Variants in NUDT9 observed in about 807,000 individuals in gnomAD.
NUDT9 encodes the protein nudix hydrolase 9.
Under a neutral mutation model 41.0 loss-of-function variants are expected in NUDT9, and 31 were observed. The observed-to-expected ratio is 0.76, with a 90% CI of 0.57 to 1.02. The LOEUF is 1.02. Ranked by LOEUF, NUDT9 falls within the 50% of genes least tolerant of loss-of-function variation. NUDT9 has a pLI of 0.00. For synonymous variants in NUDT9, 146 were observed against 147.6 expected, an observed-to-expected ratio of 0.99 and a Z score of 0.08; for missense variants, 380 against 431.4, an observed-to-expected ratio of 0.88 and a Z score of 1.06.
intron 1 of NUDT9, among the ~76,000 whole-genome samples, chr4:87,425,786 C>G (rs1355723280): frequency 6.7e-6 from 1 of 149,642 alleles, no homozygotes; most frequent in African/African-American, 2.5e-5. Context: ...CAGTTTTGCA[C>G]TTAGTTTTTG....
Position 87,449,262 on chromosome 4 carries a change from TA to T in NUDT9, c.642+13del, listed in dbSNP as rs1216792820. The T allele has an allele frequency of 7.1e-7, 1 of 1,402,966 alleles. No homozygotes were observed. 86.9% of individuals were successfully genotyped at this position (1,402,966 alleles called of 1,614,324 possible). On this transcript the variant is annotated intron_variant, in intron 5 of 7. Coordinates refer to ENST00000302174, the MANE Select transcript of NUDT9 (RefSeq NM_024047.5). ...AATGGGCAATCCCAGGGGTAAGCAT[TA>T]AAATTAAATTAGTGTTTAAGTTCCT...
chr4:87,446,932 C>T (rs1722487664), intron 4 of NUDT9, among the ~76,000 whole-genome samples: 1 of 152,178 alleles, frequency 6.6e-6, no homozygotes, highest in Non-Finnish European at 1.5e-5. Context: ...TTCTTGAGTC[C>T]AGTCTTGCTT....
At chr4:87,426,670 A>G (rs1273872525) in intron 1 of NUDT9, among the ~76,000 whole-genome samples, 1 of 151,782 alleles carries the variant, frequency 6.6e-6, no homozygotes, top group East Asian at 1.9e-4. Context: ...CGGCCTCCCA[A>G]AGTGCTGGGA....
rs1721602383 is a variant in NUDT9, at chr4:87,429,851, G to A, written c.108-5130G>A. ...CTTCACATCAGCACCTTATTTCCTA[G>A]CCCATATTAAGAACCTGATTATATG... is the stretch of plus-strand genomic sequence containing the variant. On this transcript the variant is annotated intron_variant, in intron 1 of 7. Transcript: ENST00000302174. Among the ~76,000 whole-genome samples, 3 of 150,722 alleles carry A rather than the reference G, an allele frequency of 2.0e-5. No individual in the cohort carries two copies. In the South Asian group the frequency reaches 6.3e-4, roughly 32 times the overall value.
intron 3 of NUDT9, among the ~76,000 whole-genome samples, chr4:87,440,281 C>A (rs56153912): frequency 0.25 from 38,021 of 152,054 alleles, 4,823 homozygotes; most frequent in African/African-American, 0.29. Flanking sequence ...TCAAGGAGCT[C>A]AAAGCAAAAA....
rs1721192921 is a variant in NUDT9 at position 87,422,862 on chromosome 4, A to G, written c.-44A>G. 6.6e-7 allele frequency: 1 copy of G among 1,522,282 alleles called. No homozygotes were observed. The highest frequency in any genetic ancestry group is 9.0e-7 in the Non-Finnish European group (1 of 1,111,898). 94.3% of individuals were successfully genotyped at this position (1,522,282 alleles called of 1,614,324 possible). ...TGGGGTGTGGGGAGGCGGAGGCACC[A>G]ACTAAGAGCGACCTAGCATCGCAAA... On this transcript the variant is annotated 5_prime_UTR_variant, in exon 1 of 8. Transcript: ENST00000302174.
At chr4:87,453,919 C>T (rs1203767695) in intron 6 of NUDT9, among the ~76,000 whole-genome samples, 11 of 143,510 alleles carry the variant, frequency 7.7e-5, no homozygotes, top group South Asian at 2.2e-4. Context: ...AGTGCAGTGG[C>T]GCGATCTTGG....
chr4:87,440,845 C>CAA (rs11408760), intron 3 of NUDT9, among the ~76,000 whole-genome samples: 23 of 148,104 alleles, frequency 1.6e-4, no homozygotes, highest in African/African-American at 4.2e-4. Flanking sequence ...GACTCTGTCT[C>CAA]AAAAAAAAAA....
intron 3 of NUDT9, among the ~76,000 whole-genome samples, chr4:87,438,856 T>C (rs9994244): frequency 0.34 from 51,502 of 152,086 alleles, 9,139 homozygotes; most frequent in East Asian, 0.47. Flanking sequence ...TGTATCAGCC[T>C]GTTCTCACAG....
At chr4:87,455,701 AC>A (rs1438725194) in intron 7 of NUDT9, among the ~76,000 whole-genome samples, 1 of 136,112 alleles carries the variant, frequency 7.3e-6, no homozygotes, top group Non-Finnish European at 1.5e-5. Flanking sequence ...TTGCTCTGTC[AC>A]CCACGCTGGA....
intron 2 of NUDT9, among the ~76,000 whole-genome samples, chr4:87,436,467 T>C (rs1721939794): frequency 6.6e-6 from 1 of 152,152 alleles, no homozygotes; most frequent in Admixed American, 6.5e-5. Context: ...TGTGCCACCA[T>C]GCCTGGCTAA....
chr4:87,438,507 A>G (rs944110203), intron 3 of NUDT9, 135 bp downstream of exon 3: 49 of 484,434 alleles, frequency 1.0e-4, no homozygotes, highest in Admixed American at 1.3e-4. Flanking sequence ...TTAAATCTGC[A>G]CAATAACCCT....
At chr4:87,446,302 G>A (rs1313286599) in intron 4 of NUDT9, among the ~76,000 whole-genome samples, 1 of 144,432 alleles carries the variant, frequency 6.9e-6, no homozygotes, top group African/African-American at 2.6e-5. Flanking sequence ...AGGCTGGAGT[G>A]TAGTGGTGCT....
At position 87,459,380 on chromosome 4, in the gene NUDT9, A is replaced by G. The variant is rs924163248; in HGVS notation, c.*1359A>G. Reference sequence around the variant, plus strand: ...TATCTGTACAACAAACCCTCATGACACAAGTTTACCTATGTAACAAACCTG... The same window carrying G: ...TATCTGTACAACAAACCCTCATGACGCAAGTTTACCTATGTAACAAACCTG... On this transcript the variant is annotated 3_prime_UTR_variant, in exon 8 of 8. Transcript: ENST00000302174. The G allele has an allele frequency of 6.6e-6, 1 of 152,320 alleles. No homozygotes were observed. The highest frequency in any genetic ancestry group is 1.5e-5 in the Non-Finnish European group (1 of 68,018). 9.4% of individuals were successfully genotyped at this position (152,320 alleles called of 1,614,324 possible). A position where few individuals can be genotyped will look rare whatever the true frequency, so the allele number is the denominator to read the frequency against.
At chr4:87,455,531 T>TA (rs1722946195) in intron 7 of NUDT9, among the ~76,000 whole-genome samples, 1 of 152,208 alleles carries the variant, frequency 6.6e-6, no homozygotes, top group Non-Finnish European at 1.5e-5. Flanking sequence ...TCTTTAAACT[T>TA]AAAAAATTTT....
intron 3 of NUDT9, among the ~76,000 whole-genome samples, chr4:87,439,035 C>T (rs1282462109): frequency 2.0e-5 from 3 of 152,080 alleles, no homozygotes; most frequent in African/African-American, 4.8e-5. Flanking sequence ...GGCGTGGTGG[C>T]GGGCACCTGT....
chr4:87,424,997 T>G (rs1469874465), intron 1 of NUDT9, among the ~76,000 whole-genome samples: 1 of 152,142 alleles, frequency 6.6e-6, no homozygotes. Context: ...TGCAGTGAGC[T>G]GAGATCATGC....
chr4:87,447,476 GT>G (rs11310721), intron 4 of NUDT9, among the ~76,000 whole-genome samples: 35,525 of 142,858 alleles, frequency 0.25, 4,064 homozygotes, highest in African/African-American at 0.28. Flanking sequence ...AGCATTGGAA[GT>G]TTTTTTTTTT....
chr4:87,441,729 T>C (rs1722209377), intron 3 of NUDT9, 100 bp from the exon 4 acceptor site: 4 of 920,252 alleles, frequency 4.3e-6, no homozygotes, highest in Admixed American at 2.0e-5. Flanking sequence ...TAAGGACTTA[T>C]TCTGTCTTAC....
Sources: allele counts gnomAD v4.1 joint callset (sites outside exome capture counted in the v4.1 genomes callset), GRCh38; gene constraint gnomAD v4.1.1; transcripts MANE v1.5; gene names NCBI Gene and HGNC (gene_info 2026-07-23, HGNC 2026-07-21).